LDLRAD3: variants seen among roughly 807,000 people sequenced by gnomAD.
LDLRAD3 encodes low-density lipoprotein receptor class A domain-containing protein 3.
In LDLRAD3, 20 loss-of-function variants were observed where a neutral mutation model predicts 29.4. The observed-to-expected ratio is 0.68, with a 90% CI of 0.48 to 0.99. LDLRAD3 has a LOEUF of 0.99. Ranked by LOEUF, LDLRAD3 falls within the 50% of genes least tolerant of loss-of-function variation. The pLI, the probability that LDLRAD3 is intolerant of heterozygous loss-of-function variation, is 0.00. For missense variants in LDLRAD3, 420 were observed against 454.3 expected, an observed-to-expected ratio of 0.92 and a Z score of 0.69; for synonymous variants, 157 against 192.7, an observed-to-expected ratio of 0.81 and a Z score of 1.53.
intron 2 of LDLRAD3, among the ~76,000 whole-genome samples, chr11:36,052,645 G>C (rs1175861720): frequency 4.6e-5 from 7 of 152,116 alleles, no homozygotes; most frequent in African/African-American, 1.7e-4. Flanking sequence ...ATCTCTCTGT[G>C]CCTCAGTTTC....
At chr11:35,977,192 A>G (rs894325569) in intron 1 of LDLRAD3, among the ~76,000 whole-genome samples, 4 of 152,132 alleles carry the variant, frequency 2.6e-5, no homozygotes, top group Non-Finnish European at 5.9e-5. Flanking sequence ...TAAGTACCTC[A>G]TGGCCCAAGA....
intron 2 of LDLRAD3, among the ~76,000 whole-genome samples, chr11:36,053,539 AATAAAC>A: frequency 6.6e-6 from 1 of 152,296 alleles, no homozygotes; most frequent in South Asian, 2.1e-4. Context: ...CTGTCCAAGA[AATAAAC>A]ATAAGGATGT....
chr11:36,189,263 A>G, intron 4 of LDLRAD3, among the ~76,000 whole-genome samples: 1 of 152,150 alleles, frequency 6.6e-6, no homozygotes, highest in Non-Finnish European at 1.5e-5. Context: ...AGGTGAGTGA[A>G]TCACTTGAGG....
chr11:36,057,957 C>G (rs1216597869), intron 2 of LDLRAD3, among the ~76,000 whole-genome samples: 1 of 152,214 alleles, frequency 6.6e-6, no homozygotes, highest in Non-Finnish European at 1.5e-5. Context: ...GTTTTCTCAT[C>G]TGGAGGAGGG....
At chr11:36,005,012 T>A (rs886734399) in intron 1 of LDLRAD3, among the ~76,000 whole-genome samples, 10 of 152,162 alleles carry the variant, frequency 6.6e-5, no homozygotes, top group Non-Finnish European at 1.3e-4. Context: ...TGGCCTGTGA[T>A]GGGAGGGGCT....
intron 2 of LDLRAD3, among the ~76,000 whole-genome samples, chr11:36,055,671 A>G (rs1852608077): frequency 6.6e-6 from 1 of 152,204 alleles, no homozygotes; most frequent in East Asian, 1.9e-4. Context: ...GCTAAAAGAC[A>G]CTTGCCTGTG....
chr11:36,013,026 C>A lies in LDLRAD3; in HGVS notation c.47-23077C>A, dbSNP rs969770388. 5.3e-5 allele frequency among the ~76,000 whole-genome samples: 8 copies of A among 152,116 alleles called. 1 individual carries two copies. Among genetic ancestry groups the A allele is most frequent in the Admixed American group, 4.6e-4 (7 of 15,276 alleles). On this transcript the variant is annotated intron_variant, in intron 1 of 5. Coordinates refer to ENST00000315571, the MANE Select transcript of LDLRAD3 (RefSeq NM_174902.4). The stretch of plus-strand genomic sequence containing the variant: ...TCCATTTTGTATAAATCAGCTTGCC[C>A]AAAGGTATTATATTTGGTATATTTA...
At chr11:36,194,351 G>T (rs932950639) in intron 4 of LDLRAD3, among the ~76,000 whole-genome samples, 38 of 152,240 alleles carry the variant, frequency 2.5e-4, no homozygotes, top group African/African-American at 7.7e-4. Flanking sequence ...CATTTCACTG[G>T]CCAAAGCCCA....
chr11:36,009,107 C>G (rs1205938032), intron 1 of LDLRAD3, among the ~76,000 whole-genome samples: 1 of 152,122 alleles, frequency 6.6e-6, no homozygotes, highest in African/African-American at 2.4e-5. Context: ...CACTTTTATC[C>G]TGGTTTCCTG....
intron 4 of LDLRAD3, among the ~76,000 whole-genome samples, chr11:36,163,141 C>T (rs1854467119): frequency 6.6e-6 from 1 of 152,250 alleles, no homozygotes; most frequent in Non-Finnish European, 1.5e-5. Context: ...GGCGGATCAG[C>T]AAAAGGTCTG....
intron 4 of LDLRAD3, among the ~76,000 whole-genome samples, chr11:36,098,685 A>G (rs1414114056): frequency 2.6e-5 from 4 of 152,238 alleles, no homozygotes; most frequent in Non-Finnish European, 4.4e-5. Flanking sequence ...TGAATTAAAT[A>G]TCATCTATAC....
At chr11:36,098,509 A>G (rs752563770) in intron 4 of LDLRAD3, 48 bp downstream of exon 4, 2 of 1,606,804 alleles carry the variant, frequency 1.2e-6, no homozygotes, top group South Asian at 1.1e-5. Context: ...ACAACACTGC[A>G]GTAATGGAAC....
intron 4 of LDLRAD3, among the ~76,000 whole-genome samples, chr11:36,108,124 G>A (rs931802217): frequency 1.3e-5 from 2 of 151,878 alleles, no homozygotes; most frequent in Non-Finnish European, 1.5e-5. Context: ...AGACCATCCC[G>A]GCTAACACAG....
chr11:35,970,233 A>C (rs1851395437), intron 1 of LDLRAD3, among the ~76,000 whole-genome samples: 1 of 152,224 alleles, frequency 6.6e-6, no homozygotes, highest in African/African-American at 2.4e-5. Context: ...ACCAATTTGC[A>C]AATGGGGTCT....
At chr11:36,032,498 G>T (rs1852248327) in intron 1 of LDLRAD3, among the ~76,000 whole-genome samples, 1 of 152,186 alleles carries the variant, frequency 6.6e-6, no homozygotes, top group Admixed American at 6.5e-5. Context: ...GAAGTGAGAA[G>T]TCCAAAGGTT....
chr11:36,206,451 G>A (rs1392423324), intron 4 of LDLRAD3, among the ~76,000 whole-genome samples: 1 of 152,176 alleles, frequency 6.6e-6, no homozygotes, highest in Non-Finnish European at 1.5e-5. Flanking sequence ...GAGAGAGTAA[G>A]ATGTGCCATG....
At chr11:36,058,806 G>T (rs1590232342) in intron 2 of LDLRAD3, among the ~76,000 whole-genome samples, 1 of 152,322 alleles carries the variant, frequency 6.6e-6, no homozygotes, top group East Asian at 1.9e-4. Flanking sequence ...TAGAGGCTAG[G>T]AAAGATGTGA....
chr11:36,076,238 A>G (rs750690489), intron 2 of LDLRAD3, among the ~76,000 whole-genome samples: 13 of 151,688 alleles, frequency 8.6e-5, no homozygotes, highest in Non-Finnish European at 1.2e-4. Context: ...CCATCCATCC[A>G]TCCATCCATC....
chr11:36,006,395 A>G (rs1380665958), intron 1 of LDLRAD3, among the ~76,000 whole-genome samples: 1 of 152,182 alleles, frequency 6.6e-6, no homozygotes, highest in Non-Finnish European at 1.5e-5. Context: ...TGCCTCCCAG[A>G]GTTGTTCTGA....
Sources: gnomAD v4.1 joint callset for allele counts (sites outside exome capture counted in the v4.1 genomes callset) on GRCh38, gnomAD v4.1.1 for gene constraint, MANE v1.5 for transcripts, NCBI Gene and HGNC (gene_info 2026-07-23, HGNC 2026-07-21) for gene names.